Variants in PTK2 observed in about 807,000 individuals in gnomAD.
PTK2 encodes the protein focal adhesion kinase 1.
In PTK2, 45 loss-of-function variants were observed where a neutral mutation model predicts 150.1. The observed-to-expected ratio is 0.30, with a 90% CI of 0.24 to 0.38. PTK2 has a LOEUF of 0.38. Among genes scored for constraint, PTK2 ranks in the 10% least tolerant of loss-of-function variants. PTK2 has a pLI of 1.00. For missense variants in PTK2, 919 were observed against 1,307.3 expected, an observed-to-expected ratio of 0.70 and a Z score of 4.58; for synonymous variants, 432 against 449.2, an observed-to-expected ratio of 0.96 and a Z score of 0.48.
At chr8:140,702,149 A>AG (rs2100030907) in intron 25 of PTK2, among the ~76,000 whole-genome samples, 1 of 149,960 alleles carries the variant, frequency 6.7e-6, no homozygotes, top group Non-Finnish European at 1.5e-5. Context: ...AAAAAAAAAA[A>AG]AAAAGTCATT....
intron 7 of PTK2, among the ~76,000 whole-genome samples, chr8:140,843,545 A>AGGC (rs1441362431): frequency 2.0e-5 from 3 of 152,190 alleles, no homozygotes; most frequent in Non-Finnish European, 4.4e-5. Flanking sequence ...CTGAAAGATG[A>AGGC]TCACATGTGT....
intron 1 of PTK2, among the ~76,000 whole-genome samples, chr8:140,939,980 A>T (rs967337563): frequency 3.3e-5 from 5 of 152,176 alleles, no homozygotes; most frequent in Admixed American, 2.6e-4. Flanking sequence ...GAACAGAAGA[A>T]CAGAGTAGAG....
At chr8:140,987,566 T>C (rs2154610135) in intron 1 of PTK2, among the ~76,000 whole-genome samples, 2 of 152,328 alleles carry the variant, frequency 1.3e-5, no homozygotes, top group Middle Eastern at 6.8e-3. Context: ...ACACTATCAG[T>C]CATTTGGGAA....
At chr8:140,769,504 A>T (rs1036236461) in intron 14 of PTK2, 71 bp downstream of exon 16, 2 of 1,105,522 alleles carry the variant, frequency 1.8e-6, no homozygotes, top group African/African-American at 3.3e-5. Flanking sequence ...CTTTCATTAA[A>T]TACTAAACTA....
intron 10 of PTK2, among the ~76,000 whole-genome samples, chr8:140,807,576 A>G (rs2100098821): frequency 6.6e-6 from 1 of 152,204 alleles, no homozygotes; most frequent in South Asian, 2.1e-4. Flanking sequence ...GAAGCCACAC[A>G]CAGCTATGGA....
intron 26 of PTK2, among the ~76,000 whole-genome samples, chr8:140,698,485 A>C (rs1029269650): frequency 1.3e-5 from 2 of 151,918 alleles, no homozygotes; most frequent in Admixed American, 1.3e-4. Flanking sequence ...ACAGAGTCTG[A>C]CTCTGTCACC....
At chr8:140,969,040 C>T (rs1376614842) in intron 1 of PTK2, among the ~76,000 whole-genome samples, 1 of 152,174 alleles carries the variant, frequency 6.6e-6, no homozygotes. Context: ...ACATTGCACC[C>T]TGTCACTCCT....
At chr8:140,793,317 C>A in intron 13 of PTK2, 37 bp downstream of exon 13, 1 of 1,588,038 alleles carries the variant, frequency 6.3e-7, no homozygotes, top group Non-Finnish European at 8.5e-7. Flanking sequence ...AACTTTCCAA[C>A]AAAACAAAAT....
exon 32 of PTK2, chr8:140,659,414 G>C (rs781511191): frequency 1.5e-5 from 23 of 1,503,250 alleles, no homozygotes; most frequent in Non-Finnish European, 9.1e-7. Context: ...GCTGGTGGAA[G>C]GCTAGAGAAC....
chr8:140,818,916 G>A (rs1446625662), exon 9 of PTK2: 1 of 1,613,464 alleles, frequency 6.2e-7, no homozygotes, highest in South Asian at 1.1e-5. Context: ...TATCAAATCT[G>A]TAGACTGGAG....
At chr8:140,864,937 T>C (rs1004539499) in intron 4 of PTK2, among the ~76,000 whole-genome samples, 3 of 152,208 alleles carry the variant, frequency 2.0e-5, no homozygotes, top group Non-Finnish European at 4.4e-5. Context: ...CATATATACC[T>C]AGGAGCACTG....
At chr8:140,847,224 G>A (rs548081678) in intron 5 of PTK2, among the ~76,000 whole-genome samples, 106 of 152,238 alleles carry the variant, frequency 7.0e-4, no homozygotes, top group South Asian at 2.7e-3. Flanking sequence ...AAAAGGCAAA[G>A]GATTTACGTA....
chr8:140,940,896 G>C (rs193092856), intron 1 of PTK2, among the ~76,000 whole-genome samples: 102 of 152,252 alleles, frequency 6.7e-4, no homozygotes, highest in African/African-American at 2.4e-3. Context: ...CTTGAACCCA[G>C]GAGGCAGTGG....
intron 1 of PTK2, among the ~76,000 whole-genome samples, chr8:140,961,438 G>A (rs1260272519): frequency 2.6e-5 from 4 of 152,044 alleles, no homozygotes; most frequent in Non-Finnish European, 5.9e-5. Flanking sequence ...AAGGAGAGTG[G>A]ATCACAAGGT....
chr8:140,734,770 A>G (rs529248141), intron 22 of PTK2: 8 of 516,328 alleles, frequency 1.5e-5, no homozygotes, highest in African/African-American at 7.7e-5. Flanking sequence ...AGCAGGTAAC[A>G]TCTGAGCTGG....
chr8:140,983,701 G>T (rs1219121147), intron 1 of PTK2: 1 of 144,394 alleles, frequency 6.9e-6, no homozygotes, highest in Non-Finnish European at 1.5e-5. Flanking sequence ...AAAGGAGGAA[G>T]GAGGGAAGGA....
chr8:140,728,801 G>A (rs1020735255), intron 22 of PTK2, among the ~76,000 whole-genome samples: 9 of 152,120 alleles, frequency 5.9e-5, no homozygotes, highest in Admixed American at 1.3e-4. Context: ...GATTACAAGC[G>A]TGAGCCACTG....
intron 14 of PTK2, among the ~76,000 whole-genome samples, chr8:140,778,187 G>T (rs2100079521): frequency 6.6e-6 from 1 of 152,232 alleles, no homozygotes; most frequent in African/African-American, 2.4e-5. Flanking sequence ...ACTTAATTGG[G>T]CTGGGCCTGG....
chr8:140,704,216 T>C (rs1272097420), intron 24 of PTK2, among the ~76,000 whole-genome samples: 1 of 152,202 alleles, frequency 6.6e-6, no homozygotes, highest in African/African-American at 2.4e-5. Context: ...ATAGTAACCA[T>C]GTAGAAGGAT....
Sources: gnomAD v4.1 joint callset for allele counts (sites outside exome capture counted in the v4.1 genomes callset) on GRCh38, gnomAD v4.1.1 for gene constraint, MANE v1.5 for transcripts, NCBI Gene and HGNC (gene_info 2026-07-23, HGNC 2026-07-21) for gene names.